TLN2: variants seen among roughly 807,000 people sequenced by gnomAD.
TLN2 encodes talin 2.
TLN2 carries 118 observed loss-of-function variants against 294.7 expected under a neutral mutation model. The observed-to-expected ratio is 0.40, with a 90% CI of 0.34 to 0.47. TLN2 has a LOEUF of 0.47. TLN2 is among the 20% of genes least tolerant of loss of function. TLN2 has a pLI of 0.84. For missense variants in TLN2, 3,083 were observed against 3,282.2 expected, an observed-to-expected ratio of 0.94 and a Z score of 1.48; for synonymous variants, 1,431 against 1,304.5, an observed-to-expected ratio of 1.10 and a Z score of -2.09.
intron 37 of TLN2, among the ~76,000 whole-genome samples, chr15:62,759,518 A>G (rs1287241643): frequency 1.3e-5 from 2 of 152,162 alleles, no homozygotes; most frequent in Non-Finnish European, 2.9e-5. Flanking sequence ...ATTCCTTGAG[A>G]TTTCCCTTGA....
At chr15:62,707,062 T>C (rs746669521) in intron 19 of TLN2, 24 bp from the exon 20 acceptor site, 1 of 1,581,948 alleles carries the variant, frequency 6.3e-7, no homozygotes, top group Non-Finnish European at 8.6e-7. Flanking sequence ...AATAAATGAA[T>C]AGTCTTTGAT....
chr15:62,511,337 A>T (rs574613076), intron 1 of TLN2, among the ~76,000 whole-genome samples: 38 of 152,346 alleles, frequency 2.5e-4, no homozygotes, highest in African/African-American at 8.7e-4. Context: ...TGAAAATTCA[A>T]CACCTGTCCT....
At chr15:62,765,302 T>C (rs2141031113) in intron 40 of TLN2, among the ~76,000 whole-genome samples, 1 of 152,224 alleles carries the variant, frequency 6.6e-6, no homozygotes, top group South Asian at 2.1e-4. Context: ...CATCTGTCTC[T>C]GTTTCCCTTT....
At chr15:62,643,596 G>T (rs2051434660) in intron 3 of TLN2, among the ~76,000 whole-genome samples, 1 of 151,810 alleles carries the variant, frequency 6.6e-6, no homozygotes, top group African/African-American at 2.4e-5. Flanking sequence ...CCCCTCTTGA[G>T]ATGTAAGGAT....
At position 62,781,320 on chromosome 15, in the gene TLN2, A is replaced by T. The variant is rs560162206; in HGVS notation, c.5616+79A>T. 9.2e-5 allele frequency: 104 copies of T among 1,134,864 alleles called. 3 individuals carry two copies. In the South Asian group the frequency reaches 1.3e-3, roughly 14 times the overall value. 70.3% of individuals were successfully genotyped at this position (1,134,864 alleles called of 1,614,324 possible). Reference sequence around the variant, plus strand: ...CCGCCGCTGAGCCTGCAAATCCCAGATCTGTGTCAGAGAGAGAGCCCAGAC... The same window carrying T: ...CCGCCGCTGAGCCTGCAAATCCCAGTTCTGTGTCAGAGAGAGAGCCCAGAC... On this transcript the variant is annotated intron_variant, in intron 44 of 58. Transcript: ENST00000636159.
chr15:62,488,866 A>G (rs2038551535), intron 1 of TLN2, among the ~76,000 whole-genome samples: 1 of 152,306 alleles, frequency 6.6e-6, no homozygotes, highest in East Asian at 1.9e-4. Flanking sequence ...GTGAATGGTT[A>G]AATATATAAA....
intron 48 of TLN2, among the ~76,000 whole-genome samples, chr15:62,798,566 A>C (rs1004102637): frequency 6.6e-6 from 1 of 152,172 alleles, no homozygotes; most frequent in Non-Finnish European, 1.5e-5. Context: ...AAAAAAAAAA[A>C]ACCTCTGTTC....
chr15:62,460,558 C>G (rs116780783), intron 1 of TLN2, among the ~76,000 whole-genome samples: 2 of 152,124 alleles, frequency 1.3e-5, no homozygotes, highest in East Asian at 1.9e-4. Flanking sequence ...CCACCGTGCC[C>G]GGCACTAGCC....
intron 12 of TLN2, chr15:62,690,429 G>A (rs1445641947): frequency 1.2e-5 from 2 of 173,094 alleles, no homozygotes; most frequent in East Asian, 1.8e-4. Context: ...GGGCAGAGAC[G>A]CTTCTCACTT....
chr15:62,414,181 T>TAA (rs1566953044), intron 1 of TLN2, among the ~76,000 whole-genome samples: 10 of 124,502 alleles, frequency 8.0e-5, no homozygotes, highest in African/African-American at 2.8e-4. Flanking sequence ...TATATATATA[T>TAA]ATATATATAT....
At chr15:62,735,606 A>G (rs1280857338) in intron 28 of TLN2, among the ~76,000 whole-genome samples, 1 of 152,228 alleles carries the variant, frequency 6.6e-6, no homozygotes, top group African/African-American at 2.4e-5. Context: ...ATGTAGAGCA[A>G]CTGCAGTTCT....
At position 62,450,041 on chromosome 15, in the gene TLN2, C is replaced by T. The variant is rs561989768; in HGVS notation, c.-238+59356C>T. 1.2e-4 allele frequency among the ~76,000 whole-genome samples: 18 copies of T among 152,252 alleles called. 1 individual carries two copies. The East Asian group carries it at 2.5e-3, about 21-fold the overall frequency. On this transcript the variant is annotated intron_variant, in intron 1 of 58. Coordinates refer to ENST00000636159, the MANE Select transcript of TLN2 (RefSeq NM_015059.3). ...ACAAACCTTCAGTAGCTCTCAGTTG[C>T]CCCCGTACCTGGACCCCAACTTACT...
chr15:62,644,380 T>A, intron 3 of TLN2: 1 of 394,470 alleles, frequency 2.5e-6, no homozygotes, highest in South Asian at 1.9e-5. Context: ...CAGAATGTTG[T>A]TCCCAGGGCT....
rs1230852325 is a variant in TLN2, at chr15:62,842,565, G to A, written c.*1955G>A. On this transcript the variant is annotated 3_prime_UTR_variant, in exon 59 of 59. Coordinates refer to ENST00000636159, the MANE Select transcript of TLN2 (RefSeq NM_015059.3). ...ACCCCACCCTCTGCTCTTCTATGCTGTGCCCAGGGCAGCTGCCCTCTTCTG... is the reference window on the plus strand; with the variant it reads ...ACCCCACCCTCTGCTCTTCTATGCTATGCCCAGGGCAGCTGCCCTCTTCTG... 4 of 143,698 alleles carry A rather than the reference G, an allele frequency of 2.8e-5. No homozygotes were observed. Among genetic ancestry groups the A allele is most frequent in the African/African-American group, 1.1e-4 (4 of 38,064 alleles). 8.9% of individuals were successfully genotyped at this position (143,698 alleles called of 1,614,324 possible).
At chr15:62,795,995 G>A (rs558506526) in intron 46 of TLN2, 132 bp from the exon 47 acceptor site, 65 of 1,176,960 alleles carry the variant, frequency 5.5e-5, no homozygotes, top group Admixed American at 8.4e-5. Flanking sequence ...TGAGGCCGTT[G>A]ACTCCAGATG....
rs1387841187 is a variant in TLN2 at position 62,752,572 on chromosome 15, T to C, written c.4332+145T>C. On this transcript the variant is annotated intron_variant, in intron 35 of 58. Transcript: ENST00000636159. ...TGGCTTCTGTGCTGGCTGGGGCATT[T>C]ACACAAAACATGAGCCAGTTACCCC... 4 of 1,264,738 alleles carry C rather than the reference T, an allele frequency of 3.2e-6. No individual in the cohort carries two copies. In the Admixed American group the frequency reaches 1.1e-4, roughly 36 times the overall value. 78.3% of individuals were successfully genotyped at this position (1,264,738 alleles called of 1,614,324 possible).
Position 62,435,646 on chromosome 15 carries a change from A to G in TLN2, c.-238+44961A>G, listed in dbSNP as rs552225997. Among the ~76,000 whole-genome samples, 18 of 151,428 alleles carry G rather than the reference A, an allele frequency of 1.2e-4. No homozygotes were observed. The East Asian group carries it at 3.5e-3, about 29-fold the overall frequency. Reference sequence around the variant, plus strand: ...AACTTCTGCCTCCCGGGTTCGAGCAACTCTCTTGCCTTAGCCTCCCAAGTA... The same window carrying G: ...AACTTCTGCCTCCCGGGTTCGAGCAGCTCTCTTGCCTTAGCCTCCCAAGTA... On this transcript the variant is annotated intron_variant, in intron 1 of 58. Coordinates refer to ENST00000636159, the MANE Select transcript of TLN2 (RefSeq NM_015059.3).
intron 2 of TLN2, among the ~76,000 whole-genome samples, chr15:62,599,805 G>C (rs1049816137): frequency 1.3e-5 from 2 of 152,180 alleles, no homozygotes; most frequent in African/African-American, 4.8e-5. Flanking sequence ...AGGGTGAGCT[G>C]TGTGAACGTG....
chr15:62,522,893 G>A (rs1046546851), intron 1 of TLN2, among the ~76,000 whole-genome samples: 1 of 151,670 alleles, frequency 6.6e-6, no homozygotes, highest in African/African-American at 2.4e-5. Flanking sequence ...ATGTTACAGA[G>A]GATTTGGAAG....
Sources: allele counts gnomAD v4.1 joint callset (sites outside exome capture counted in the v4.1 genomes callset), GRCh38; gene constraint gnomAD v4.1.1; transcripts MANE v1.5; gene names NCBI Gene and HGNC (gene_info 2026-07-23, HGNC 2026-07-21).